The following LRP1B variants were observed in gnomAD, a reference collection of about 807,000 sequenced individuals.
LRP1B encodes the protein low-density lipoprotein receptor-related protein 1B.
In LRP1B, 217 loss-of-function variants were observed where a neutral mutation model predicts 556.6. The observed-to-expected ratio is 0.39, with a 90% CI of 0.35 to 0.44. The LOEUF is 0.44. LRP1B is among the 20% of genes least tolerant of loss of function. The pLI, the probability that LRP1B is intolerant of heterozygous loss-of-function variation, is 1.00. For synonymous variants in LRP1B, 2,047 were observed against 1,865.8 expected, an observed-to-expected ratio of 1.10 and a Z score of -2.50; for missense variants, 5,053 against 5,620.8, an observed-to-expected ratio of 0.90 and a Z score of 3.23.
intron 6 of LRP1B, among the ~76,000 whole-genome samples, chr2:141,215,374 G>A (rs11902930): frequency 0.12 from 18,116 of 152,108 alleles, 1,964 homozygotes; most frequent in African/African-American, 0.29. Context: ...GTAGCAACGC[G>A]AGAACAGCCT....
intron 1 of LRP1B, among the ~76,000 whole-genome samples, chr2:141,967,587 ATAAAT>A (rs1408135318): frequency 4.6e-5 from 7 of 151,888 alleles, no homozygotes; most frequent in African/African-American, 1.4e-4. Flanking sequence ...TTCAGAAAGT[ATAAAT>A]TAGACAGTCA....
chr2:140,908,075 T>C lies in LRP1B; in HGVS notation c.3322A>G (p.Arg1108Gly). Residue 1108 changes from arginine (R) to glycine (G), a missense_variant and splice_region_variant, in exon 22 of 91, where the codon AGA becomes GGA. Physicochemically the swap from Arg to Gly is moderately radical, Grantham distance 125 (BLOSUM62 -2). Transcript: ENST00000389484. Reference sequence around the variant, plus strand: ...CACACCCATGCTTTGTTGATGCATCTCCCTTAAGAAAACAGAAATAGTGTC... The same window carrying C: ...CACACCCATGCTTTGTTGATGCATCCCCCTTAAGAAAACAGAAATAGTGTC... ...KTKFSCWSTG[R>G]CINKAWVCDG... is the part of the protein sequence containing the mutation. The C allele has an allele frequency of 6.2e-7, 1 of 1,611,720 alleles. No individual in the cohort carries two copies. Among genetic ancestry groups the C allele is most frequent in the Non-Finnish European group, 8.5e-7 (1 of 1,178,266 alleles).
chr2:141,965,005 T>C (rs1438074791), intron 1 of LRP1B, among the ~76,000 whole-genome samples: 2 of 144,690 alleles, frequency 1.4e-5, no homozygotes, highest in African/African-American at 5.1e-5. Context: ...ATGCTCATCA[T>C]CACTGGCCAT....
intron 2 of LRP1B, among the ~76,000 whole-genome samples, chr2:141,620,784 C>G (rs933562818): frequency 2.6e-5 from 4 of 151,780 alleles, no homozygotes; most frequent in Admixed American, 2.6e-4. Context: ...ATGAAGACAC[C>G]TTTTCAGAAC....
At chr2:141,255,692 C>T (rs1405922831) in intron 3 of LRP1B, among the ~76,000 whole-genome samples, 2 of 151,968 alleles carry the variant, frequency 1.3e-5, no homozygotes, top group African/African-American at 4.8e-5. Context: ...CTGCTTCTTA[C>T]TTCTTTGAGA....
intron 77 of LRP1B, among the ~76,000 whole-genome samples, chr2:140,338,751 G>A (rs1681224206): frequency 6.6e-6 from 1 of 151,712 alleles, no homozygotes. Context: ...GACATTCTGA[G>A]AGTGGAAATG....
intron 85 of LRP1B, among the ~76,000 whole-genome samples, chr2:140,273,255 G>A (rs769016305): frequency 6.6e-6 from 1 of 151,780 alleles, no homozygotes; most frequent in African/African-American, 2.4e-5. Flanking sequence ...AACAATGTAC[G>A]CTCACTAATT....
intron 43 of LRP1B, among the ~76,000 whole-genome samples, chr2:140,542,565 A>C (rs760109069): frequency 2.0e-5 from 3 of 152,138 alleles, no homozygotes; most frequent in Non-Finnish European, 4.4e-5. Context: ...TATAGTAAAC[A>C]ACACTTTTCA....
chr2:141,802,807 G>A (rs1696051274), intron 2 of LRP1B, among the ~76,000 whole-genome samples: 1 of 152,096 alleles, frequency 6.6e-6, no homozygotes, highest in Non-Finnish European at 1.5e-5. Context: ...TGAAAGGTAA[G>A]AAGCCTTCAT....
intron 1 of LRP1B, among the ~76,000 whole-genome samples, chr2:141,862,641 TC>T (rs1459413353): frequency 6.6e-6 from 1 of 152,264 alleles, no homozygotes; most frequent in East Asian, 1.9e-4. Context: ...ACTCCCGACC[TC>T]GTGATCCACC....
At position 140,345,843 on chromosome 2, in the gene LRP1B, TACAC is replaced by T. The variant is rs201538692; in HGVS notation, c.11892+4950_11892+4953del. Among the ~76,000 whole-genome samples, 559 of 133,032 alleles carry T rather than the reference TACAC, an allele frequency of 4.2e-3. 5 individuals carry two copies. Among genetic ancestry groups the T allele is most frequent in the African/African-American group, 0.012 (426 of 35,492 alleles). The allele number at this position is 133,032 out of a possible 152,430, so 87.3% of individuals were successfully genotyped here. A position where few individuals can be genotyped will look rare whatever the true frequency, so the allele number is the denominator to read the frequency against. ...ACATATATACATATATATATACACA[TACAC>T]ACACACACACACACATATATATATA... On this transcript the variant is annotated intron_variant, in intron 77 of 90. Transcript: ENST00000389484.
intron 1 of LRP1B, among the ~76,000 whole-genome samples, chr2:141,988,924 C>CA (rs1481554674): frequency 6.6e-6 from 1 of 151,988 alleles, no homozygotes; most frequent in African/African-American, 2.4e-5. Context: ...GTGCCTACTG[C>CA]ATGCATATTT....
At chr2:142,114,410 C>A (rs1026951743) in intron 1 of LRP1B, among the ~76,000 whole-genome samples, 1 of 152,108 alleles carries the variant, frequency 6.6e-6, no homozygotes, top group Non-Finnish European at 1.5e-5. Context: ...AGCAACCCCA[C>A]TGCAGAGTAT....
At chr2:141,496,097 T>C (rs1289006627) in intron 2 of LRP1B, among the ~76,000 whole-genome samples, 1 of 152,078 alleles carries the variant, frequency 6.6e-6, no homozygotes, top group Non-Finnish European at 1.5e-5. Context: ...ATAATGTCGA[T>C]ATTTTGATAT....
intron 3 of LRP1B, among the ~76,000 whole-genome samples, chr2:141,426,687 G>A (rs1680375411): frequency 6.6e-6 from 1 of 152,102 alleles, no homozygotes; most frequent in African/African-American, 2.4e-5. Context: ...TCATTTCAAA[G>A]GTGAAGTACT....
intron 1 of LRP1B, among the ~76,000 whole-genome samples, chr2:141,954,852 A>G (rs979005795): frequency 3.9e-5 from 6 of 151,972 alleles, no homozygotes; most frequent in African/African-American, 1.4e-4. Flanking sequence ...TATCCAGAGG[A>G]CCTTTCTTAT....
intron 86 of LRP1B, among the ~76,000 whole-genome samples, chr2:140,262,002 A>G (rs1268325673): frequency 6.6e-6 from 1 of 152,058 alleles, no homozygotes; most frequent in Non-Finnish European, 1.5e-5. Context: ...CAAATGGAGA[A>G]AGAATTGAGT....
At chr2:141,548,719 A>G (rs1210499047) in intron 2 of LRP1B, among the ~76,000 whole-genome samples, 1 of 152,150 alleles carries the variant, frequency 6.6e-6, no homozygotes, top group Non-Finnish European at 1.5e-5. Context: ...GCACCAGCAA[A>G]GAGCCTTTAT....
At chr2:141,375,581 C>T (rs1559037201) in intron 3 of LRP1B, among the ~76,000 whole-genome samples, 1 of 152,094 alleles carries the variant, frequency 6.6e-6, no homozygotes, top group Non-Finnish European at 1.5e-5. Context: ...CTGGTATTGT[C>T]CTAAGTGTGC....
Sources: allele counts gnomAD v4.1 joint callset (sites outside exome capture counted in the v4.1 genomes callset), GRCh38; gene constraint gnomAD v4.1.1; transcripts MANE v1.5; gene names NCBI Gene and HGNC (gene_info 2026-07-23, HGNC 2026-07-21).